TOGARAM2: variants seen among roughly 807,000 people sequenced by gnomAD.
TOGARAM2 encodes the protein TOG array regulator of axonemal microtubules 2, also known as TOG array regulator of axonemal microtubules protein 2.
TOGARAM2 carries 85 observed loss-of-function variants against 93.3 expected under a neutral mutation model. That is an observed-to-expected ratio of 0.91 (90% CI 0.76 to 1.09). The LOEUF is 1.09. Ranked by LOEUF, TOGARAM2 falls within the 50% of genes least tolerant of loss-of-function variation. The pLI, the probability that TOGARAM2 is intolerant of heterozygous loss-of-function variation, is 0.00. For missense variants in TOGARAM2, 1,277 were observed against 1,334.5 expected (o/e 0.96, Z 0.67); for synonymous variants, 593 against 552.8 (o/e 1.07, Z -1.02).
chr2:29,023,119 G>A lies in TOGARAM2; in HGVS notation c.1545G>A (p.Gln515=), dbSNP rs753375598. Residue 515 remains glutamine, a synonymous_variant, in exon 12 of 20, where the codon CAG becomes CAA. Coordinates refer to ENST00000379558, the MANE Select transcript of TOGARAM2 (RefSeq NM_199280.4). ...QMKEKGLVSI[Q]RLAACHSEVL... ...AGGAGAAGGGTCTGGTGAGCATCCAGCGCTTGGCAGCCTGTCACTCAGAGG... is the reference window on the plus strand; with the variant it reads ...AGGAGAAGGGTCTGGTGAGCATCCAACGCTTGGCAGCCTGTCACTCAGAGG... The A allele has an allele frequency of 6.2e-7, 1 of 1,601,026 alleles. No homozygotes were observed. The highest frequency in any genetic ancestry group is 8.5e-7 in the Non-Finnish European group (1 of 1,173,976).
chr2:29,012,434 G>A (rs1267927354), intron 7 of TOGARAM2, among the ~76,000 whole-genome samples: 2 of 152,224 alleles, frequency 1.3e-5, no homozygotes, highest in Non-Finnish European at 2.9e-5. Context: ...CCCGGGCCAG[G>A]CTGCAGCAGG....
At chr2:29,033,405 A>G (rs1346570542) in intron 15 of TOGARAM2, 64 bp from the exon 16 acceptor site, 3 of 1,415,564 alleles carry the variant, frequency 2.1e-6, no homozygotes, top group South Asian at 2.4e-5. Flanking sequence ...TCTCCACTGG[A>G]ATGTCTGGCA....
chr2:29,047,167 A>C (rs1380706070), intron 19 of TOGARAM2: 1 of 152,352 alleles, frequency 6.6e-6, no homozygotes, highest in Non-Finnish European at 1.5e-5. Flanking sequence ...GTGGCCTCTT[A>C]CCTTACGGGA....
At position 29,014,775 on chromosome 2, in the gene TOGARAM2, C is replaced by T. The variant is rs138791118; in HGVS notation, c.1044+214C>T. 7.3e-4 allele frequency among the ~76,000 whole-genome samples: 109 copies of T among 148,996 alleles called. 1 individual carries two copies. Among genetic ancestry groups the T allele is most frequent in the African/African-American group, 2.5e-3 (102 of 40,190 alleles). On this transcript the variant is annotated intron_variant, in intron 8 of 19. Coordinates refer to ENST00000379558, the MANE Select transcript of TOGARAM2 (RefSeq NM_199280.4). ...GAAGAGAAAGGATGGGGGTCAGAAG[C>T]GGGGTGGGGAACTAGGTGCAGGGAA...
chr2:28,995,272 A>G (rs1361147205), intron 2 of TOGARAM2, among the ~76,000 whole-genome samples: 1 of 152,222 alleles, frequency 6.6e-6, no homozygotes, highest in Non-Finnish European at 1.5e-5. Context: ...GTGGCCAGTT[A>G]GCATCAGGAG....
chr2:28,991,017 TGTGTGTGTGTGTGTGTGTG>T (rs1672704973), intron 1 of TOGARAM2, among the ~76,000 whole-genome samples: 2 of 150,654 alleles, frequency 1.3e-5, no homozygotes, highest in South Asian at 2.1e-4. Context: ...TGTGTGTGTG[TGTGTGTGTGTGTGTGTGTG>T]TGTGGCTTTT....
intron 6 of TOGARAM2, among the ~76,000 whole-genome samples, chr2:29,005,400 A>AGTGT (rs933990438): frequency 9.2e-5 from 5 of 54,440 alleles, no homozygotes; most frequent in South Asian, 5.7e-4. Context: ...ATGTATGTGG[A>AGTGT]GTGTGTGTGT....
chr2:29,002,581 G>A lies in TOGARAM2; in HGVS notation c.473G>A (p.Ser158Asn), dbSNP rs1673366756. Residue 158 changes from serine (S) to asparagine (N), a missense_variant, in exon 5 of 20, where the codon AGC becomes AAC. Physicochemically the swap from Ser to Asn is conservative, Grantham distance 46. Transcript: ENST00000379558. ...GGGPQGVPLH[S>N]TIPRATSQRL... ...GGCCCCCAAGGAGTTCCCCTGCACA[G>A]CACCATCCCCCGAGCCACCTCTCAG... 1 of 1,613,964 alleles carries A rather than the reference G, an allele frequency of 6.2e-7. No individual in the cohort carries two copies. The highest frequency in any genetic ancestry group is 8.5e-7 in the Non-Finnish European group (1 of 1,179,880).
rs543847199 is a variant in TOGARAM2 at position 29,030,712 on chromosome 2, G to A, written c.2013-2222G>A. On this transcript the variant is annotated intron_variant, in intron 14 of 19. Transcript: ENST00000379558. ...ACCATTCTGCCCCTGACTGCCACCT[G>A]AGTGTAGGTGCTGCCAAGGTGTCTT... 5.3e-5 allele frequency among the ~76,000 whole-genome samples: 8 copies of A among 152,306 alleles called. No homozygotes were observed. In the East Asian group the frequency reaches 1.4e-3, roughly 26 times the overall value.
intron 1 of TOGARAM2, among the ~76,000 whole-genome samples, chr2:28,975,011 AT>A (rs1376849991): frequency 6.7e-6 from 1 of 149,896 alleles, no homozygotes; most frequent in Non-Finnish European, 1.5e-5. Flanking sequence ...AAGTTCACTG[AT>A]TTTTTTCCTC....
chr2:29,023,786 A>C (rs1361040028), intron 12 of TOGARAM2, among the ~76,000 whole-genome samples: 1 of 152,078 alleles, frequency 6.6e-6, no homozygotes, highest in East Asian at 1.9e-4. Flanking sequence ...ATACAGTTAC[A>C]TTCTCCCAGG....
chr2:28,972,644 G>A (rs986277351), intron 1 of TOGARAM2: 3 of 152,182 alleles, frequency 2.0e-5, no homozygotes, highest in African/African-American at 4.8e-5. Flanking sequence ...GAGAATGGCT[G>A]GGCTGGAGAT....
chr2:28,982,383 C>T (rs555429144), intron 1 of TOGARAM2, among the ~76,000 whole-genome samples: 49 of 152,258 alleles, frequency 3.2e-4, no homozygotes, highest in African/African-American at 9.4e-4. Context: ...CGTACTCTGT[C>T]GGAGCATCAC....
In TOGARAM2 at chr2:28,999,227, G is replaced by A. The variant is rs575618435; in HGVS notation, c.186G>A (p.Pro62=). ...EPRALLNNEE[P]SQLLRGLGQL... ...GAGCCCTGCTGAACAACGAGGAACC[G>A]TCACAGCTCCTGCGTGGACTCGGAC... The change falls in exon 4 of 20, where the codon CCG becomes CCA. Residue 62 remains proline (P), a synonymous_variant. Coordinates refer to ENST00000379558, the MANE Select transcript of TOGARAM2 (RefSeq NM_199280.4). 4.3e-5 allele frequency: 70 copies of A among 1,613,788 alleles called. No homozygotes were observed. The highest frequency in any genetic ancestry group is 3.2e-4 in the South Asian group (29 of 91,042).
At chr2:28,993,917 C>A (rs1399266137) in intron 1 of TOGARAM2, among the ~76,000 whole-genome samples, 1 of 152,236 alleles carries the variant, frequency 6.6e-6, no homozygotes, top group Non-Finnish European at 1.5e-5. Flanking sequence ...TGGACGAGAA[C>A]TCCTCTCTGG....
intron 6 of TOGARAM2, among the ~76,000 whole-genome samples, chr2:29,008,408 C>T (rs1050539496): frequency 6.6e-6 from 1 of 151,410 alleles, no homozygotes; most frequent in African/African-American, 2.4e-5. Flanking sequence ...ACTTTGGCTT[C>T]CCAAAGTGCT....
chr2:29,021,209 C>T (rs919522859), intron 10 of TOGARAM2, among the ~76,000 whole-genome samples: 12 of 152,180 alleles, frequency 7.9e-5, no homozygotes, highest in Admixed American at 2.0e-4. Context: ...CCACTGTGCC[C>T]GGCTGTGCGT....
chr2:29,020,083 G>A (rs1344940013), intron 10 of TOGARAM2, among the ~76,000 whole-genome samples: 4 of 152,214 alleles, frequency 2.6e-5, no homozygotes, highest in Non-Finnish European at 5.9e-5. Flanking sequence ...CTACTACTGT[G>A]TCCGGTCCCC....
At chr2:29,004,386 G>C (rs1352183626) in intron 6 of TOGARAM2, among the ~76,000 whole-genome samples, 1 of 152,230 alleles carries the variant, frequency 6.6e-6, no homozygotes, top group African/African-American at 2.4e-5. Flanking sequence ...AGTATCATGT[G>C]TATGGGGGAC....
Sources: allele counts gnomAD v4.1 joint callset (sites outside exome capture counted in the v4.1 genomes callset), GRCh38; gene constraint gnomAD v4.1.1; transcripts MANE v1.5; gene names NCBI Gene and HGNC (gene_info 2026-07-23, HGNC 2026-07-21).